DNAH5: variants seen among roughly 807,000 people sequenced by gnomAD.
The protein encoded by DNAH5 is dynein axonemal heavy chain 5, also known as axonemal beta dynein heavy chain 5.
A neutral mutation model predicts 518.2 loss-of-function variants in DNAH5; 372 were observed. That is an observed-to-expected ratio of 0.72 (90% CI 0.66 to 0.78). The LOEUF (loss-of-function observed/expected upper bound fraction) is 0.78. Ranked by LOEUF, DNAH5 falls within the 30% of genes least tolerant of loss-of-function variation. The pLI, the probability that DNAH5 is intolerant of heterozygous loss-of-function variation, is 0.00. For synonymous variants in DNAH5, 2,039 were observed against 2,025.9 expected (o/e 1.01, Z -0.17); for missense variants, 5,523 against 5,687.0 (o/e 0.97, Z 0.93).
Position 13,876,775 on chromosome 5 carries a change from T to C in DNAH5, c.3305A>G (p.Gln1102Arg). The change falls in exon 22 of 79, where the codon CAA (glutamine) becomes CGA (arginine). Residue 1102 changes from glutamine (Q) to arginine (R), a missense_variant. Transcript: ENST00000265104. ...IASVNLPIPVQTKNYYKNVSE... is the reference protein window; with the variant it reads ...IASVNLPIPVRTKNYYKNVSE... ...AACATTCTTATAATAGTTCTTGGTTTGCACGGGAATGGGTAAATTTACAGA... is the reference window on the plus strand; with the variant it reads ...AACATTCTTATAATAGTTCTTGGTTCGCACGGGAATGGGTAAATTTACAGA... 1.2e-6 allele frequency: 2 copies of C among 1,613,930 alleles called. No homozygotes were observed. Among genetic ancestry groups the C allele is most frequent in the Non-Finnish European group, 1.7e-6 (2 of 1,179,860 alleles).
intron 1 of DNAH5, 77 bp downstream of exon 1, chr5:13,944,305 A>G (rs1470989917): frequency 3.5e-6 from 5 of 1,435,800 alleles, no homozygotes; most frequent in Non-Finnish European, 4.9e-6. Context: ...ACCTTTTTCA[A>G]GTTTGTTTTT....
chr5:13,714,668 C>T (rs754976780), intron 74 of DNAH5, 48 bp from the exon 75 acceptor site: 7 of 1,580,114 alleles, frequency 4.4e-6, no homozygotes, highest in East Asian at 2.3e-5. Context: ...ACATAAGCAC[C>T]GTCTAAATTA....
At chr5:13,763,357 C>A (rs1752037159) in intron 59 of DNAH5, among the ~76,000 whole-genome samples, 1 of 152,178 alleles carries the variant, frequency 6.6e-6, no homozygotes, top group African/African-American at 2.4e-5. Flanking sequence ...ACGCTTAATA[C>A]ATTCAGACAG....
chr5:13,922,624 G>A (rs904639134), intron 4 of DNAH5, among the ~76,000 whole-genome samples: 1 of 151,582 alleles, frequency 6.6e-6, no homozygotes, highest in Non-Finnish European at 1.5e-5. Flanking sequence ...CTACTCAGGA[G>A]GCTGAGGCAG....
At chr5:13,733,679 GTC>G (rs1746931438) in intron 68 of DNAH5, among the ~76,000 whole-genome samples, 1 of 152,158 alleles carries the variant, frequency 6.6e-6, no homozygotes, top group South Asian at 2.1e-4. Context: ...AAACAGATGA[GTC>G]TTTGTTGCTA....
chr5:13,742,355 A>G (rs1026253505), intron 65 of DNAH5, among the ~76,000 whole-genome samples: 2 of 141,924 alleles, frequency 1.4e-5, no homozygotes, highest in African/African-American at 2.6e-5. Flanking sequence ...TTTACTTGTC[A>G]TTCATGGACT....
chr5:13,707,558 C>T lies in DNAH5; in HGVS notation c.13338+565G>A, dbSNP rs1347664445. 6.6e-6 allele frequency among the ~76,000 whole-genome samples: 1 copy of T among 152,230 alleles called. No homozygotes were observed. Among genetic ancestry groups the T allele is most frequent in the Non-Finnish European group, 1.5e-5 (1 of 68,042 alleles). Reference sequence around the variant, plus strand: ...GCCCCAGAACAGTCCCTACAACCTGCCCCTCTGCATGCTCCCCCTAGGGAT... The same window carrying T: ...GCCCCAGAACAGTCCCTACAACCTGTCCCTCTGCATGCTCCCCCTAGGGAT... On this transcript the variant is annotated intron_variant, in intron 76 of 78. Coordinates refer to ENST00000265104, the MANE Select transcript of DNAH5 (RefSeq NM_001369.3). The surrounding 1 kb of genome is among the most constrained non-coding windows in gnomAD (Gnocchi z 4.0).
intron 30 of DNAH5, among the ~76,000 whole-genome samples, chr5:13,856,397 G>A (rs1767642868): frequency 6.6e-6 from 1 of 151,894 alleles, no homozygotes. Context: ...AGAAAATCTA[G>A]AAGAAATGGA....
At chr5:13,881,702 T>C (rs547189437) in intron 21 of DNAH5, among the ~76,000 whole-genome samples, 104 of 152,016 alleles carry the variant, frequency 6.8e-4, no homozygotes, top group Admixed American at 1.2e-3. Context: ...GGAAACGGTA[T>C]AGCAAAATAA....
intron 24 of DNAH5, among the ~76,000 whole-genome samples, chr5:13,869,151 G>A (rs1240190566): frequency 6.6e-6 from 1 of 152,124 alleles, no homozygotes; most frequent in East Asian, 1.9e-4. Context: ...GCCCAACACA[G>A]CAGAAGTGAA....
chr5:13,720,981 G>C lies in DNAH5; in HGVS notation c.12279+19C>G, dbSNP rs374864382. On this transcript the variant is annotated intron_variant, in intron 71 of 78. Coordinates refer to ENST00000265104, the MANE Select transcript of DNAH5 (RefSeq NM_001369.3). ...GTAATATGAACAGCATGGCACAAAA[G>C]TAGACTATTCAGCCTTACGTTCGCC... 39 of 1,613,930 alleles carry C rather than the reference G, an allele frequency of 2.4e-5. No individual in the cohort carries two copies. The African/African-American group carries it at 3.3e-4, about 14-fold the overall frequency.
At chr5:13,703,858 C>T (rs981242809) in intron 76 of DNAH5, among the ~76,000 whole-genome samples, 1 of 152,204 alleles carries the variant, frequency 6.6e-6, no homozygotes, top group African/African-American at 2.4e-5. Context: ...GCCTCACATG[C>T]AGTTAGGTTG....
intron 4 of DNAH5, among the ~76,000 whole-genome samples, chr5:13,922,568 C>G (rs1561580138): frequency 6.6e-6 from 1 of 151,394 alleles, no homozygotes; most frequent in Non-Finnish European, 1.5e-5. Context: ...CTCTACTAAA[C>G]ATACAAAAAT....
intron 1 of DNAH5, among the ~76,000 whole-genome samples, chr5:14,007,929 T>C (rs1784829506): frequency 2.0e-5 from 3 of 151,888 alleles, no homozygotes; most frequent in Admixed American, 6.6e-5. Context: ...TCCCAGCACT[T>C]TGGGAGGCCG....
intron 42 of DNAH5, among the ~76,000 whole-genome samples, chr5:13,816,975 T>A (rs1761531131): frequency 6.6e-6 from 1 of 152,328 alleles, no homozygotes; most frequent in African/African-American, 2.4e-5. Context: ...CTGAGAACAT[T>A]GGGTTCAATT....
rs762858074 is a variant in DNAH5, at chr5:13,850,648, T to C, written c.5114+4A>G. On this transcript the variant is annotated splice_donor_region_variant and intron_variant, in intron 31 of 78. Coordinates refer to ENST00000265104, the MANE Select transcript of DNAH5 (RefSeq NM_001369.3). ...GAGAGCTTTCAAAGAGCCAGTGAAC[T>C]TACCCAGTAAGGGATTTCTGGCATA... 4 of 1,613,694 alleles carry C rather than the reference T, an allele frequency of 2.5e-6. No homozygotes were observed. Among genetic ancestry groups the C allele is most frequent in the African/African-American group, 1.3e-5 (1 of 75,044 alleles).
chr5:13,782,550 G>C (rs956045658), intron 52 of DNAH5, among the ~76,000 whole-genome samples: 2 of 152,080 alleles, frequency 1.3e-5, no homozygotes, highest in African/African-American at 4.8e-5. Flanking sequence ...AGCTTCAAGA[G>C]GCACAGACGG....
intron 65 of DNAH5, among the ~76,000 whole-genome samples, chr5:13,740,024 C>CTCAA (rs1477670248): frequency 6.6e-6 from 1 of 152,112 alleles, no homozygotes; most frequent in Non-Finnish European, 1.5e-5. Flanking sequence ...TTCAAACATG[C>CTCAA]TCAACCTCAC....
intron 30 of DNAH5, among the ~76,000 whole-genome samples, chr5:13,857,654 C>G (rs1561444910): frequency 6.6e-6 from 1 of 152,040 alleles, no homozygotes; most frequent in Non-Finnish European, 1.5e-5. Flanking sequence ...GGTACTGGTA[C>G]CAAAACAGAT....
Sources: gnomAD v4.1 joint callset for allele counts (sites outside exome capture counted in the v4.1 genomes callset) on GRCh38, gnomAD v4.1.1 for gene constraint, Gnocchi (gnomAD v3.1) non-coding constraint, MANE v1.5 for transcripts, NCBI Gene and HGNC (gene_info 2026-07-23, HGNC 2026-07-21) for gene names.